ATP13A1: variants seen among roughly 807,000 people sequenced by gnomAD.
The protein encoded by ATP13A1 is ATPase 13A1.
Under a neutral mutation model 134.8 loss-of-function variants are expected in ATP13A1, and 55 were observed. That is an observed-to-expected ratio of 0.41 (90% CI 0.33 to 0.51). The LOEUF (loss-of-function observed/expected upper bound fraction) is 0.51, where lower values mean the gene tolerates loss of function less well. Ranked by LOEUF, ATP13A1 falls within the 20% of genes least tolerant of loss-of-function variation. ATP13A1 has a pLI of 0.29. For missense variants in ATP13A1, 1,389 were observed against 1,652.8 expected (o/e 0.84, Z 2.77); for synonymous variants, 775 against 725.1 (o/e 1.07, Z -1.10).
Position 19,663,443 on chromosome 19 carries a change from T to A in ATP13A1, c.224A>T (p.Tyr75Phe). 6.4e-7 allele frequency: 1 copy of A among 1,560,080 alleles called. No individual in the cohort carries two copies. The highest frequency in any genetic ancestry group is 8.7e-7 in the Non-Finnish European group (1 of 1,155,878). ...LTVLPFAGLLYPAWLGAAAAG... is the reference protein window; with the variant it reads ...LTVLPFAGLLFPAWLGAAAAG... ...GGCTGCGGCACCCAACCAGGCCGGG[T>A]AAAGCAGCCCGGCGAATGGCAGCAC... Residue 75 changes from tyrosine (Y) to phenylalanine (F), a missense_variant, in exon 1 of 26, where the codon TAC (tyrosine) becomes TTC (phenylalanine). Around this residue, in one of 4 missense-constraint regions of ATP13A1, gnomAD observed 293 missense variants for 270.8 expected, o/e 1.08. Transcript: ENST00000357324.
At position 19,656,063 on chromosome 19, in the gene ATP13A1, C is replaced by T. The variant is rs1196738447; in HGVS notation, c.1204G>A (p.Gly402Ser). ...CCCATGAGGCACCTACGCTTCAGGC[C>T]CGTGGTGGCTTTCTGTGGGGGGATG... ...QHIPPQKATT[G>S]LKPVDSGCVA... Residue 402 changes from glycine to serine, a missense_variant, in exon 8 of 26, where the codon GGC (glycine) becomes AGC (serine). By Grantham distance (56) the Gly-to-Ser change is moderately conservative. Coordinates refer to ENST00000357324, the MANE Select transcript of ATP13A1 (RefSeq NM_020410.3). This position sits in a 1 kb window ranked among gnomAD's most constrained non-coding sequence, Gnocchi z 4.6. 1 of 1,613,358 alleles carries T rather than the reference C, an allele frequency of 6.2e-7. No homozygotes were observed. The highest frequency in any genetic ancestry group is 1.3e-5 in the African/African-American group (1 of 74,914).
chr19:19,648,498 CAAAAAAA>C (rs35645918), intron 19 of ATP13A1, among the ~76,000 whole-genome samples: 9 of 100,174 alleles, frequency 9.0e-5, no homozygotes, highest in Admixed American at 8.4e-4. Context: ...TGAGTTCTTG[CAAAAAAA>C]AAAAAAGAAA....
rs1365108881 is a variant in ATP13A1 at position 19,652,678 on chromosome 19, A to G, written c.2143T>C (p.Phe715Leu). The change falls in exon 16 of 26, where the codon TTC becomes CTC. Residue 715 changes from phenylalanine to leucine, a missense_variant. Phe to Leu is a conservative substitution (Grantham distance 22). Around this residue, in one of 4 missense-constraint regions of ATP13A1, gnomAD observed 747 missense variants for 956.1 expected, o/e 0.78. Transcript: ENST00000357324. ...CAGGAGACCACAATGAAGCCGACGA[A>G]CTTGAGGCTGCACTCCAGGGCCTCC... ...KREALECSLK[F>L]VGFIVVSCPL... The G allele has an allele frequency of 6.2e-7, 1 of 1,608,642 alleles. No homozygotes were observed. The highest frequency in any genetic ancestry group is 8.5e-7 in the Non-Finnish European group (1 of 1,178,054).
Position 19,653,884 on chromosome 19 carries a change from C to G in ATP13A1, c.2000G>C (p.Cys667Ser). The G allele has an allele frequency of 6.4e-7, 1 of 1,567,476 alleles. No homozygotes were observed. Among genetic ancestry groups the G allele is most frequent in the Non-Finnish European group, 8.6e-7 (1 of 1,156,922 alleles). ...GTGGATGTGGTGGTAGTCGGGCGGG[C>G]ACTGGGAGAACTGCAGGGAATGCAG... is the stretch of plus-strand genomic sequence containing the variant. ...PETLHSMFSQ[C>S]PPDYHHIHTE... The change falls in exon 15 of 26, where the codon TGC becomes TCC. Residue 667 changes from cysteine (C) to serine (S), a missense_variant. Cys to Ser is a moderately radical substitution (Grantham distance 112, BLOSUM62 -1). Transcript: ENST00000357324. The surrounding 1 kb of genome is among the most constrained non-coding windows in gnomAD (Gnocchi z 4.2).
Position 19,655,668 on chromosome 19 carries a change from G to A in ATP13A1, c.1270-14C>T, listed in dbSNP as rs375613438. 3.1e-5 allele frequency: 50 copies of A among 1,610,540 alleles called. No homozygotes were observed. The highest frequency in any genetic ancestry group is 4.1e-5 in the Non-Finnish European group (48 of 1,178,504). On this transcript the variant is annotated splice_polypyrimidine_tract_variant and intron_variant, in intron 9 of 25. Transcript: ENST00000357324. The surrounding 1 kb of genome is among the most constrained non-coding windows in gnomAD (Gnocchi z 5.7). ...CAGCAGCTTGCCCTGGAGGAATGGA[G>A]GAACAGCCTTTCTGCTGTCTGGACT... is the stretch of plus-strand genomic sequence containing the variant.
rs147846039 is a variant in ATP13A1, at chr19:19,650,135, G to A, written c.2336-195C>T. 53 of 606,618 alleles carry A rather than the reference G, an allele frequency of 8.7e-5. No homozygotes were observed. In the East Asian group the frequency reaches 1.5e-3, roughly 17 times the overall value. 37.6% of individuals were successfully genotyped at this position (606,618 alleles called of 1,614,324 possible). A position where few individuals can be genotyped will look rare whatever the true frequency, so the allele number is the denominator to read the frequency against. On this transcript the variant is annotated intron_variant, in intron 17 of 25. Coordinates refer to ENST00000357324, the MANE Select transcript of ATP13A1 (RefSeq NM_020410.3). The stretch of plus-strand genomic sequence containing the variant: ...CCTCAGGTGCACAGGGTGGAACCAA[G>A]AGCCTGGGGCCTGAGCTACTTGCCT...
Position 19,654,554 on chromosome 19 carries a change from G to T in ATP13A1, c.1802C>A (p.Thr601Lys). The T allele has an allele frequency of 6.2e-7, 1 of 1,609,204 alleles. No homozygotes were observed. The change falls in exon 13 of 26, where the codon ACG (threonine) becomes AAG (lysine). Residue 601 changes from threonine to lysine, a missense_variant. This residue lies in a region of ATP13A1 where 747 missense variants were observed against 956.1 expected (regional missense o/e 0.78). Transcript: ENST00000357324. Reference protein sequence around the residue: ...EKAMLTAVDWTLTKDEKVFPR... With the variant: ...EKAMLTAVDWKLTKDEKVFPR... ...CCCCAGCCCCTCACCTTTGGTCAGCGTCCAGTCCACGGCCGTCAGCATGGC... is the reference window on the plus strand; with the variant it reads ...CCCCAGCCCCTCACCTTTGGTCAGCTTCCAGTCCACGGCCGTCAGCATGGC...
In ATP13A1 at chr19:19,655,888, T is replaced by A. The variant is rs775106633; in HGVS notation, c.1259A>T (p.Asn420Ile). The change falls in exon 9 of 26, where the codon AAC becomes ATC. Residue 420 changes from asparagine (N) to isoleucine (I), a missense_variant. Transcript: ENST00000357324. The surrounding 1 kb of genome is among the most constrained non-coding windows in gnomAD (Gnocchi z 5.7). ...GACCTGGCCCCGCACCTGGGATGTG[T>A]TGAATCCGGTCCGCAGGACGTAGGC... ...CVAYVLRTGF[N>I]TSQGKLLRTI... The A allele has an allele frequency of 6.3e-7, 1 of 1,589,366 alleles. No individual in the cohort carries two copies. Among genetic ancestry groups the A allele is most frequent in the East Asian group, 2.3e-5 (1 of 44,154 alleles).
In ATP13A1 at chr19:19,655,624, C is replaced by T; in HGVS notation, c.1300G>A (p.Val434Ile). The change falls in exon 10 of 26, where the codon GTC becomes ATC. Residue 434 changes from valine (V) to isoleucine (I), a missense_variant. Val to Ile is a conservative substitution (Grantham distance 29). This residue lies in a region of ATP13A1 where 747 missense variants were observed against 956.1 expected (regional missense o/e 0.78). Coordinates refer to ENST00000357324, the MANE Select transcript of ATP13A1 (RefSeq NM_020410.3). This position sits in a 1 kb window ranked among gnomAD's most constrained non-coding sequence, Gnocchi z 5.7. Reference protein sequence around the residue: ...GKLLRTILFGVKRVTANNLET... With the variant: ...GKLLRTILFGIKRVTANNLET... ...AGGTTGTTCGCAGTCACCCTCTTGA[C>T]CCCGAAGAGGATGGTGCGCAGCAGC... 1 of 1,613,726 alleles carries T rather than the reference C, an allele frequency of 6.2e-7. No individual in the cohort carries two copies. The highest frequency in any genetic ancestry group is 8.5e-7 in the Non-Finnish European group (1 of 1,179,776).
intron 16 of ATP13A1, among the ~76,000 whole-genome samples, 155 bp downstream of exon 16, chr19:19,652,440 G>C (rs1007779369): frequency 6.6e-6 from 1 of 152,148 alleles, no homozygotes; most frequent in Non-Finnish European, 1.5e-5. Context: ...AGTGTCCTTG[G>C]GCCAGTGGCA....
Position 19,645,401 on chromosome 19 carries a change from G to C in ATP13A1, c.*21C>G. On this transcript the variant is annotated 3_prime_UTR_variant, in exon 26 of 26. Transcript: ENST00000357324. The surrounding 1 kb of genome is among the most constrained non-coding windows in gnomAD (Gnocchi z 4.1). ...CGCCCAGCGGCAGCCAGGGTGGGCAGTGGGTACCAGCACTGCCATCTCAGG... is the reference window on the plus strand; with the variant it reads ...CGCCCAGCGGCAGCCAGGGTGGGCACTGGGTACCAGCACTGCCATCTCAGG... 2 of 1,578,522 alleles carry C rather than the reference G, an allele frequency of 1.3e-6. No homozygotes were observed. The highest frequency in any genetic ancestry group is 1.7e-6 in the Non-Finnish European group (2 of 1,163,914).
chr19:19,645,992 G>A lies in ATP13A1; in HGVS notation c.3249-7C>T, dbSNP rs777603574. On this transcript the variant is annotated splice_region_variant and splice_polypyrimidine_tract_variant and intron_variant, in intron 23 of 25. Coordinates refer to ENST00000357324, the MANE Select transcript of ATP13A1 (RefSeq NM_020410.3). The surrounding 1 kb of genome is among the most constrained non-coding windows in gnomAD (Gnocchi z 4.1). ...GTCCACGAACTGCTCCTGCCTGCAA[G>A]GACACATGGGAGTCAGGGCCCCCTC... 16 of 1,610,644 alleles carry A rather than the reference G, an allele frequency of 9.9e-6. No individual in the cohort carries two copies. The highest frequency in any genetic ancestry group is 1.4e-5 in the Non-Finnish European group (16 of 1,179,792).
intron 1 of ATP13A1, chr19:19,662,331 T>C (rs925551839): frequency 3.0e-6 from 3 of 985,322 alleles, no homozygotes; most frequent in Non-Finnish European, 3.6e-6. Context: ...GAGAGGAGAA[T>C]GAGGATTCTA....
chr19:19,660,788 A>C (rs1015147105), intron 1 of ATP13A1, among the ~76,000 whole-genome samples: 3 of 151,202 alleles, frequency 2.0e-5, no homozygotes, highest in Non-Finnish European at 2.9e-5. Context: ...ACTCTGTCTC[A>C]AAATAAAAAG....
rs201779266 is a variant in ATP13A1 at position 19,655,516 on chromosome 19, C to T, written c.1396+12G>A. On this transcript the variant is annotated intron_variant, in intron 10 of 25. Transcript: ENST00000357324. This position sits in a 1 kb window ranked among gnomAD's most constrained non-coding sequence, Gnocchi z 5.7. ...GGTGGGCGCAGGGGACCACAGAGGC[C>T]GTGGCGCTTACCTTCAATCCATACA... 5.4e-4 allele frequency: 871 copies of T among 1,613,964 alleles called. 7 individuals carry two copies. The highest frequency in any genetic ancestry group is 3.4e-4 in the Non-Finnish European group (401 of 1,179,870).
Position 19,647,216 on chromosome 19 carries a change from G to A in ATP13A1, c.3018C>T (p.Tyr1006=). 6.2e-7 allele frequency: 1 copy of A among 1,613,942 alleles called. No homozygotes were observed. The highest frequency in any genetic ancestry group is 8.5e-7 in the Non-Finnish European group (1 of 1,179,894). ...AGTCACTGAACTTGACTCCCTCCAG[G>A]TAGAGGACGCTCTGGCTGTAGGCCA... is the stretch of plus-strand genomic sequence containing the variant. ...LILAYSQSVL[Y]LEGVKFSDFQ... Residue 1006 remains tyrosine (Y), a synonymous_variant, in exon 22 of 26, where the codon TAC becomes TAT. Coordinates refer to ENST00000357324, the MANE Select transcript of ATP13A1 (RefSeq NM_020410.3). The surrounding 1 kb of genome is among the most constrained non-coding windows in gnomAD (Gnocchi z 4.8).
chr19:19,648,382 G>A (rs998177719), intron 19 of ATP13A1, among the ~76,000 whole-genome samples: 3 of 151,780 alleles, frequency 2.0e-5, no homozygotes, highest in African/African-American at 4.8e-5. Context: ...CATGATTCTA[G>A]GAGGCAAACA....
chr19:19,648,106 G>A (rs1310270300), intron 19 of ATP13A1, among the ~76,000 whole-genome samples: 1 of 152,122 alleles, frequency 6.6e-6, no homozygotes, highest in Non-Finnish European at 1.5e-5. Flanking sequence ...ATCACCTGAG[G>A]TCAGGAGTTT....
At position 19,647,241 on chromosome 19, in the gene ATP13A1, AG is replaced by A; in HGVS notation, c.2992del (p.Leu998TrpfsTer70). The A allele has an allele frequency of 6.2e-7, 1 of 1,613,960 alleles. No homozygotes were observed. The highest frequency in any genetic ancestry group is 1.1e-5 in the South Asian group (1 of 91,084). On this transcript the variant is annotated frameshift_variant, in exon 22 of 26. Transcript: ENST00000357324. LOFTEE classifies it high-confidence loss of function. This position sits in a 1 kb window ranked among gnomAD's most constrained non-coding sequence, Gnocchi z 4.8. The part of the protein sequence containing the change: ...FKILALNALI[L>X]AYSQSVLYLE... ...GTAGAGGACGCTCTGGCTGTAGGCC[AG>A]GATGAGGGCATTGAGCGCCAGGATC...
Sources: gnomAD v4.1 joint callset for allele counts (sites outside exome capture counted in the v4.1 genomes callset) on GRCh38, gnomAD v4.1.1 for gene constraint, gnomAD v4.1.1 regional missense constraint, Gnocchi (gnomAD v3.1) non-coding constraint, MANE v1.5 for transcripts, NCBI Gene and HGNC (gene_info 2026-07-23, HGNC 2026-07-21) for gene names.